The following PCDH15 variants were observed in gnomAD, a reference collection of about 807,000 sequenced individuals.
PCDH15 encodes the protein protocadherin related 15.
In PCDH15, 129 loss-of-function variants were observed where a neutral mutation model predicts 178.5. The observed-to-expected ratio is 0.72, with a 90% CI of 0.63 to 0.84. PCDH15 has a LOEUF of 0.84. PCDH15 is among the 40% of genes least tolerant of loss of function. The probability of loss-of-function intolerance (pLI) is 0.00; values close to 1 mark genes in which losing one functional copy is unlikely to be tolerated. For missense variants in PCDH15, 2,230 were observed against 2,099.9 expected (o/e 1.06, Z -1.21); for synonymous variants, 800 against 732.0 (o/e 1.09, Z -1.50).
At chr10:54,897,828 G>A (rs991797497) in intron 2 of PCDH15, among the ~76,000 whole-genome samples, 1 of 152,106 alleles carries the variant, frequency 6.6e-6, no homozygotes, top group Non-Finnish European at 1.5e-5. Context: ...TAATGCATAA[G>A]GCATATTGTG....
chr10:53,881,902 A>T (rs746023033), intron 26 of PCDH15, among the ~76,000 whole-genome samples: 3 of 152,146 alleles, frequency 2.0e-5, no homozygotes, highest in Non-Finnish European at 4.4e-5. Context: ...GTTGGCCCCA[A>T]AACAATTTAC....
At chr10:54,374,656 T>C (rs1948144404) in intron 4 of PCDH15, among the ~76,000 whole-genome samples, 1 of 151,918 alleles carries the variant, frequency 6.6e-6, no homozygotes, top group Admixed American at 6.6e-5. Flanking sequence ...CTTCCTTTCT[T>C]TTTTTAATTT....
intron 3 of PCDH15, among the ~76,000 whole-genome samples, chr10:54,473,584 T>C (rs1032912040): frequency 3.3e-5 from 5 of 152,092 alleles, no homozygotes; most frequent in African/African-American, 1.2e-4. Flanking sequence ...GTTGGTAAAA[T>C]AAGTACTTTA....
At chr10:55,594,323 T>A (rs1404729582) in intron 2 of PCDH15, among the ~76,000 whole-genome samples, 1 of 151,894 alleles carries the variant, frequency 6.6e-6, no homozygotes, top group East Asian at 1.9e-4. Flanking sequence ...CATTTTAGAG[T>A]TGTTTGATGC....
chr10:55,367,290 GGAA>G (rs1248124197), intron 2 of PCDH15, among the ~76,000 whole-genome samples: 1 of 152,124 alleles, frequency 6.6e-6, no homozygotes, highest in African/African-American at 2.4e-5. Context: ...CACTCAAACT[GGAA>G]GAAGTGGCCA....
At chr10:54,553,224 T>G (rs1344251783) in intron 2 of PCDH15, among the ~76,000 whole-genome samples, 1 of 152,192 alleles carries the variant, frequency 6.6e-6, no homozygotes, top group Non-Finnish European at 1.5e-5. Flanking sequence ...AGCAATGAAC[T>G]GTAAGCACCA....
chr10:55,281,143 C>T (rs1053053680), intron 1 of PCDH15, among the ~76,000 whole-genome samples: 3 of 152,150 alleles, frequency 2.0e-5, no homozygotes, highest in African/African-American at 7.2e-5. Context: ...TGTAGCATCA[C>T]AAATGTAGTT....
intron 2 of PCDH15, among the ~76,000 whole-genome samples, chr10:54,540,199 A>G (rs1227332361): frequency 6.6e-6 from 1 of 152,164 alleles, no homozygotes; most frequent in Non-Finnish European, 1.5e-5. Flanking sequence ...TAAAAGCATC[A>G]GCAAAACCAA....
chr10:54,076,617 G>A lies in PCDH15; in HGVS notation c.2091+2714C>T, dbSNP rs554657060. ...AAAGTATAGTTTTATCTGTACCCCC[G>A]ATAGCTAAAAAAAAAATAAATTACA... On this transcript the variant is annotated intron_variant, in intron 17 of 37. Transcript: ENST00000644397. 3.8e-4 allele frequency among the ~76,000 whole-genome samples: 58 copies of A among 151,244 alleles called. No individual in the cohort carries two copies. In the East Asian group the frequency reaches 6.2e-3, roughly 16 times the overall value.
At chr10:54,534,316 T>C (rs2132800292) in intron 2 of PCDH15, among the ~76,000 whole-genome samples, 1 of 152,272 alleles carries the variant, frequency 6.6e-6, no homozygotes, top group African/African-American at 2.4e-5. Flanking sequence ...TAAAAGTAAT[T>C]ACATGAAATG....
chr10:54,083,266 C>T (rs928300860), intron 16 of PCDH15, among the ~76,000 whole-genome samples: 4 of 152,132 alleles, frequency 2.6e-5, no homozygotes, highest in African/African-American at 9.7e-5. Context: ...TATTCCCTAG[C>T]AAATCTATTC....
At chr10:54,088,918 C>A (rs1474853515) in intron 16 of PCDH15, among the ~76,000 whole-genome samples, 4 of 146,198 alleles carry the variant, frequency 2.7e-5, no homozygotes, top group African/African-American at 7.5e-5. Flanking sequence ...TACTACACAG[C>A]CTTGCTTAAA....
chr10:54,816,108 A>T (rs1487062651), intron 3 of PCDH15, among the ~76,000 whole-genome samples: 1 of 152,098 alleles, frequency 6.6e-6, no homozygotes. Flanking sequence ...GCAAATATTT[A>T]CATGTCTCCT....
chr10:55,613,904 C>T (rs374602420), intron 2 of PCDH15, among the ~76,000 whole-genome samples: 3 of 152,062 alleles, frequency 2.0e-5, no homozygotes. Flanking sequence ...GTCAGGAGAT[C>T]GAGACCATAC....
At chr10:55,186,323 G>A (rs1395899815) in intron 1 of PCDH15, among the ~76,000 whole-genome samples, 3 of 150,606 alleles carry the variant, frequency 2.0e-5, no homozygotes, top group Non-Finnish European at 4.4e-5. Context: ...CTTTATGTAC[G>A]GGACATTTTT....
intron 2 of PCDH15, among the ~76,000 whole-genome samples, chr10:54,607,428 A>G (rs2092790645): frequency 6.6e-6 from 1 of 152,010 alleles, no homozygotes; most frequent in South Asian, 2.1e-4. Context: ...ATTATTAAAT[A>G]TGGAAAAATA....
intron 8 of PCDH15, among the ~76,000 whole-genome samples, chr10:54,252,391 T>A (rs2132114603): frequency 6.6e-6 from 1 of 152,312 alleles, no homozygotes; most frequent in East Asian, 1.9e-4. Context: ...AGAAGAGGTG[T>A]TAGTTAAAAC....
intron 2 of PCDH15, among the ~76,000 whole-genome samples, chr10:55,489,658 C>T (rs1213486624): frequency 1.3e-5 from 2 of 151,668 alleles, no homozygotes; most frequent in African/African-American, 4.8e-5. Flanking sequence ...GTAAGAATTC[C>T]TAAAGCTCAT....
intron 37 of PCDH15, among the ~76,000 whole-genome samples, chr10:53,810,234 C>G (rs557606406): frequency 6.6e-6 from 1 of 152,046 alleles, no homozygotes; most frequent in African/African-American, 2.4e-5. Flanking sequence ...GCAAAAGTAA[C>G]CTTTGTATTG....
Sources: gnomAD v4.1 joint callset for allele counts (sites outside exome capture counted in the v4.1 genomes callset) on GRCh38, gnomAD v4.1.1 for gene constraint, MANE v1.5 for transcripts, NCBI Gene and HGNC (gene_info 2026-07-23, HGNC 2026-07-21) for gene names.